PLEKHA5: variants seen among roughly 807,000 people sequenced by gnomAD.
PLEKHA5 encodes the protein pleckstrin homology domain containing A5.
In PLEKHA5, 55 loss-of-function variants were observed where a neutral mutation model predicts 181.9. The observed-to-expected ratio is 0.30, with a 90% CI of 0.24 to 0.38. The LOEUF (loss-of-function observed/expected upper bound fraction) is 0.38, where lower values mean the gene tolerates loss of function less well. Among genes scored for constraint, PLEKHA5 ranks in the 10% least tolerant of loss-of-function variants. The pLI, the probability that PLEKHA5 is intolerant of heterozygous loss-of-function variation, is 1.00. For synonymous variants in PLEKHA5, 535 were observed against 529.4 expected (o/e 1.01, Z -0.15); for missense variants, 1,432 against 1,549.5 (o/e 0.92, Z 1.27).
chr12:19,170,066 C>T (rs75326676), intron 3 of PLEKHA5, among the ~76,000 whole-genome samples: 5,650 of 152,184 alleles, frequency 0.037, 250 homozygotes, highest in East Asian at 0.21. Flanking sequence ...TGCCTGGTAA[C>T]CTCTAGCCCT....
At chr12:19,241,513 A>G (rs965991527) in intron 3 of PLEKHA5, among the ~76,000 whole-genome samples, 13 of 152,134 alleles carry the variant, frequency 8.5e-5, no homozygotes, top group African/African-American at 2.9e-4. Flanking sequence ...TCCCAGCACT[A>G]TGGGAAGCCG....
chr12:19,307,792 T>C lies in PLEKHA5; in HGVS notation c.2038-7022T>C, dbSNP rs537314266. Among the ~76,000 whole-genome samples the C allele has an allele frequency of 4.6e-4, 69 of 151,062 alleles. 1 individual carries two copies. The highest frequency in any genetic ancestry group is 9.1e-4 in the Non-Finnish European group (62 of 67,856). On this transcript the variant is annotated intron_variant, in intron 15 of 31. Transcript: ENST00000429027. ...AACATTCAAAAACACCCCCAGAAAG[T>C]TACAGCACGGCTAGACATTATAGAA...
rs907085690 is a variant in PLEKHA5, at chr12:19,305,630, G to A, written c.2038-9184G>A. On this transcript the variant is annotated intron_variant, in intron 15 of 31. Coordinates refer to ENST00000429027, the MANE Select transcript of PLEKHA5 (RefSeq NM_001256470.2). Reference sequence around the variant, plus strand: ...TTCCAGCACTTTGGGAGGCCAAGGCGGACGAATCACCTGAGATCAGGAGTT... The same window carrying A: ...TTCCAGCACTTTGGGAGGCCAAGGCAGACGAATCACCTGAGATCAGGAGTT... Among the ~76,000 whole-genome samples, 9 of 151,464 alleles carry A rather than the reference G, an allele frequency of 5.9e-5. No individual in the cohort carries two copies. In the South Asian group the frequency reaches 1.0e-3, roughly 18 times the overall value.
chr12:19,175,545 G>A (rs1479567124), intron 3 of PLEKHA5, among the ~76,000 whole-genome samples: 1 of 152,088 alleles, frequency 6.6e-6, no homozygotes, highest in African/African-American at 2.4e-5. Flanking sequence ...ATTCTGGTAG[G>A]ACACAAAAGA....
chr12:19,129,733 G>GT lies in PLEKHA5; in HGVS notation c.-65dup. On this transcript the variant is annotated 5_prime_UTR_variant, in exon 1 of 32. Coordinates refer to ENST00000429027, the MANE Select transcript of PLEKHA5 (RefSeq NM_001256470.2). ...CGCTCCGCGCTCCCTTCGCTCGCTC[G>GT]TTCCCTCCTCCCTCGGCAGCCGCGG... is the stretch of plus-strand genomic sequence containing the variant. The GT allele has an allele frequency of 7.8e-7, 1 of 1,286,886 alleles. No homozygotes were observed. The highest frequency in any genetic ancestry group is 2.8e-5 in the East Asian group (1 of 36,256). 79.7% of individuals were successfully genotyped at this position (1,286,886 alleles called of 1,614,324 possible).
chr12:19,205,528 C>CT (rs753264929), intron 3 of PLEKHA5: 1 of 209,636 alleles, frequency 4.8e-6, no homozygotes, highest in Non-Finnish European at 8.3e-6. Flanking sequence ...ATATCTGCTG[C>CT]TTTTTTGTAC....
intron 15 of PLEKHA5, among the ~76,000 whole-genome samples, chr12:19,313,289 C>T (rs923480431): frequency 6.6e-6 from 1 of 152,074 alleles, no homozygotes; most frequent in African/African-American, 2.4e-5. Flanking sequence ...GTGGGAGGAT[C>T]GCCTAAGCCT....
rs878882676 is a variant in PLEKHA5 at position 19,291,713 on chromosome 12, A to C, written c.2037+16A>C. The C allele has an allele frequency of 7.2e-5, 101 of 1,407,412 alleles. No homozygotes were observed. In the Admixed American group the frequency reaches 2.1e-3, roughly 29 times the overall value. 87.2% of individuals were successfully genotyped at this position (1,407,412 alleles called of 1,614,324 possible). ...GGATCATCAGGTGGGATTCATAGAGATTTTCTTACTTTTAATACTTAATAG... is the reference window on the plus strand; with the variant it reads ...GGATCATCAGGTGGGATTCATAGAGCTTTTCTTACTTTTAATACTTAATAG... On this transcript the variant is annotated intron_variant, in intron 15 of 31. Coordinates refer to ENST00000429027, the MANE Select transcript of PLEKHA5 (RefSeq NM_001256470.2).
At chr12:19,333,635 G>A (rs1309512540) in intron 20 of PLEKHA5, among the ~76,000 whole-genome samples, 1 of 138,944 alleles carries the variant, frequency 7.2e-6, no homozygotes, top group Non-Finnish European at 1.5e-5. Context: ...TTGAGATGGA[G>A]TCTCGCACTG....
In PLEKHA5 at chr12:19,274,469, G is replaced by A. The variant is rs112997708; in HGVS notation, c.846-47G>A. 4.0e-6 allele frequency: 5 copies of A among 1,261,914 alleles called. No homozygotes were observed. The African/African-American group carries it at 6.0e-5, about 15-fold the overall frequency. 78.2% of individuals were successfully genotyped at this position (1,261,914 alleles called of 1,614,324 possible). ...CTAGATTGAATCCCAGAAGTAATAT[G>A]TACATTATTTCATCTGATTTACTAT... is the stretch of plus-strand genomic sequence containing the variant. On this transcript the variant is annotated intron_variant, in intron 10 of 31. Transcript: ENST00000429027.
intron 7 of PLEKHA5, among the ~76,000 whole-genome samples, chr12:19,261,334 GT>G (rs1565533733): frequency 6.6e-6 from 1 of 152,062 alleles, no homozygotes; most frequent in African/African-American, 2.4e-5. Flanking sequence ...TCACATGTCA[GT>G]TTTGTCAGAT....
chr12:19,322,858 G>A (rs897406710), intron 20 of PLEKHA5, among the ~76,000 whole-genome samples, 191 bp downstream of exon 20: 17 of 151,814 alleles, frequency 1.1e-4, no homozygotes, highest in African/African-American at 4.1e-4. Context: ...TGGGCATTCT[G>A]TTATTTACTT....
chr12:19,183,634 C>A (rs1309632516), intron 3 of PLEKHA5, among the ~76,000 whole-genome samples: 1 of 152,088 alleles, frequency 6.6e-6, no homozygotes, highest in Non-Finnish European at 1.5e-5. Context: ...TCTGCTCTGC[C>A]CCAAAAGGCC....
At chr12:19,200,229 G>T (rs1282569437) in intron 3 of PLEKHA5, 2 of 821,942 alleles carry the variant, frequency 2.4e-6, no homozygotes, top group Admixed American at 4.8e-5. Context: ...AGCAACAAAA[G>T]TATCACCCAT....
rs567041198 is a variant in PLEKHA5, at chr12:19,216,373, G to A, written c.228-37567G>A. Among the ~76,000 whole-genome samples the A allele has an allele frequency of 3.3e-5, 5 of 152,164 alleles. No individual in the cohort carries two copies. In the South Asian group the frequency reaches 8.3e-4, roughly 25 times the overall value. ...AATGTGATCCTTCTAGTGGTTAAAT[G>A]TTCTGTTGGCCGGGCACAGTGGCTC... On this transcript the variant is annotated intron_variant, in intron 3 of 31. Coordinates refer to ENST00000429027, the MANE Select transcript of PLEKHA5 (RefSeq NM_001256470.2).
chr12:19,142,193 C>G (rs976942587), intron 3 of PLEKHA5, among the ~76,000 whole-genome samples: 2 of 147,044 alleles, frequency 1.4e-5, no homozygotes, highest in African/African-American at 5.3e-5. Flanking sequence ...GACCCCCAAT[C>G]TCTACAAAAA....
In PLEKHA5 at chr12:19,261,005, C is replaced by A; in HGVS notation, c.594C>A (p.Cys198Ter). The A allele has an allele frequency of 6.3e-7, 1 of 1,593,084 alleles. No homozygotes were observed. Among genetic ancestry groups the A allele is most frequent in the Non-Finnish European group, 8.6e-7 (1 of 1,164,480 alleles). The stretch of plus-strand genomic sequence containing the variant: ...GCTGGTTTGTGCTTTCTGACCTTTG[C>A]CTCTTTTATTATAGAGGTAAGTTTA... ...KKRWFVLSDL[C>*]LFYYRDEKEE... The change falls in exon 7 of 32, where the codon TGC (cysteine) becomes TGA (stop). Residue 198 changes from cysteine to a stop codon, truncating the protein, a stop_gained. Coordinates refer to ENST00000429027, the MANE Select transcript of PLEKHA5 (RefSeq NM_001256470.2). LOFTEE classifies it high-confidence loss of function.
At chr12:19,318,843 C>A (rs764778371) in intron 16 of PLEKHA5, among the ~76,000 whole-genome samples, 3 of 152,132 alleles carry the variant, frequency 2.0e-5, no homozygotes, top group East Asian at 1.9e-4. Context: ...ATCACTTGAA[C>A]CCTGGAGGCA....
At chr12:19,237,794 T>C (rs2061649413) in intron 3 of PLEKHA5, among the ~76,000 whole-genome samples, 2 of 151,990 alleles carry the variant, frequency 1.3e-5, no homozygotes, top group African/African-American at 2.4e-5. Context: ...TCATGTTTCT[T>C]TGAATTGTAC....
Sources: gnomAD v4.1 joint callset for allele counts (sites outside exome capture counted in the v4.1 genomes callset) on GRCh38, gnomAD v4.1.1 for gene constraint, MANE v1.5 for transcripts, NCBI Gene and HGNC (gene_info 2026-07-23, HGNC 2026-07-21) for gene names.